TBC1D32: variants seen among roughly 807,000 people sequenced by gnomAD.
TBC1D32 encodes the protein TBC1 domain family member 32.
Under a neutral mutation model 170.3 loss-of-function variants are expected in TBC1D32, and 151 were observed. The observed-to-expected ratio is 0.89, with a 90% CI of 0.78 to 1.01. The LOEUF is 1.01. Ranked by LOEUF, TBC1D32 falls within the 50% of genes least tolerant of loss-of-function variation. TBC1D32 has a pLI of 0.00. For synonymous variants in TBC1D32, 498 were observed against 488.0 expected, an observed-to-expected ratio of 1.02 and a Z score of -0.27; for missense variants, 1,464 against 1,457.1, an observed-to-expected ratio of 1.00 and a Z score of -0.08.
chr6:121,245,404 G>C (rs1180263387), intron 17 of TBC1D32, among the ~76,000 whole-genome samples: 2 of 152,122 alleles, frequency 1.3e-5, no homozygotes, highest in Admixed American at 6.5e-5. Flanking sequence ...TTAGAGTAAG[G>C]AGGAGAGCAC....
intron 30 of TBC1D32, among the ~76,000 whole-genome samples, chr6:121,096,897 T>C (rs956567341): frequency 6.6e-6 from 1 of 151,976 alleles, no homozygotes; most frequent in Non-Finnish European, 1.5e-5. Context: ...ACACCACACA[T>C]CTACAACCAT....
At chr6:121,192,081 T>TCC (rs1554263767) in intron 22 of TBC1D32, among the ~76,000 whole-genome samples, 1 of 132,500 alleles carries the variant, frequency 7.5e-6, no homozygotes, top group South Asian at 2.3e-4. Flanking sequence ...TATATATATA[T>TCC]ATCCTATTAG....
chr6:121,236,738 A>G (rs1403463424), intron 20 of TBC1D32, among the ~76,000 whole-genome samples: 2 of 152,080 alleles, frequency 1.3e-5, no homozygotes, highest in African/African-American at 4.8e-5. Flanking sequence ...AATATTTCCA[A>G]GGGATTAGGA....
Position 121,304,584 on chromosome 6 carries a change from T to G in TBC1D32, c.811A>C (p.Ile271Leu), listed in dbSNP as rs759075480. The G allele has an allele frequency of 1.9e-5, 31 of 1,611,872 alleles. No individual in the cohort carries two copies. Among genetic ancestry groups the G allele is most frequent in the Non-Finnish European group, 2.6e-5 (31 of 1,178,868 alleles). The change falls in exon 7 of 32, where the codon ATT becomes CTT. Residue 271 changes from isoleucine (I) to leucine (L), a missense_variant. Ile to Leu is a conservative substitution (Grantham distance 5). This residue lies in a region of TBC1D32 where 1,363 missense variants were observed against 1,338.1 expected (regional missense o/e 1.02). Transcript: ENST00000398212. ...ESYFLSRENH[I>L]PTLSAGVDIT... ...TCTACACCAGCTGAAAGAGTAGGAA[T>G]ATGATTTTCCCTAGAAAGAAAGTAT...
intron 8 of TBC1D32, 99 bp from the exon 9 acceptor site, chr6:121,303,860 A>G (rs749006967): frequency 2.5e-6 from 2 of 813,642 alleles, no homozygotes; most frequent in South Asian, 4.7e-5. Flanking sequence ...CTTCAGAAAC[A>G]TTTTTTCTAT....
chr6:121,096,211 T>C (rs1777388564), intron 30 of TBC1D32: 1 of 152,162 alleles, frequency 6.6e-6, no homozygotes, highest in Non-Finnish European at 1.5e-5. Context: ...TTTTCTAGTT[T>C]ATTTGTGTAG....
chr6:121,234,351 A>T (rs928974175), intron 20 of TBC1D32, among the ~76,000 whole-genome samples: 1 of 152,102 alleles, frequency 6.6e-6, no homozygotes, highest in African/African-American at 2.4e-5. Context: ...AACACCAATT[A>T]TTCTTAGGCT....
intron 17 of TBC1D32, among the ~76,000 whole-genome samples, chr6:121,245,804 CA>C (rs1369064690): frequency 1.3e-5 from 2 of 151,970 alleles, no homozygotes; most frequent in Non-Finnish European, 2.9e-5. Flanking sequence ...GAAACATCAA[CA>C]TTCCCACAGA....
At chr6:121,281,801 G>C (rs1053829495) in intron 13 of TBC1D32, 115 bp from the exon 14 acceptor site, 1 of 691,464 alleles carries the variant, frequency 1.4e-6, no homozygotes, top group Non-Finnish European at 2.2e-6. Context: ...TACTTCAAAA[G>C]TCATACAACT....
At chr6:121,256,017 C>G in intron 16 of TBC1D32, 67 bp downstream of exon 16, 1 of 1,368,256 alleles carries the variant, frequency 7.3e-7, no homozygotes, top group Non-Finnish European at 1.0e-6. Context: ...AAGTACAACA[C>G]TATAATGGTG....
intron 22 of TBC1D32, among the ~76,000 whole-genome samples, chr6:121,178,882 C>G (rs1019643319): frequency 9.9e-5 from 15 of 152,124 alleles, no homozygotes; most frequent in Non-Finnish European, 1.2e-4. Flanking sequence ...AGCCAACAAC[C>G]TGTGTGAGTT....
At chr6:121,324,145 G>A (rs1810138931) in intron 1 of TBC1D32, among the ~76,000 whole-genome samples, 1 of 152,020 alleles carries the variant, frequency 6.6e-6, no homozygotes, top group African/African-American at 2.4e-5. Flanking sequence ...TAATCCCAGA[G>A]TCCCAAAGAT....
At chr6:121,150,784 T>C (rs138562097) in intron 24 of TBC1D32, among the ~76,000 whole-genome samples, 40 of 152,374 alleles carry the variant, frequency 2.6e-4, no homozygotes, top group African/African-American at 9.4e-4. Context: ...TTCTAGTTTA[T>C]TTGCATATAA....
At chr6:121,157,368 T>TC (rs1050787092) in intron 24 of TBC1D32, among the ~76,000 whole-genome samples, 22 of 152,208 alleles carry the variant, frequency 1.4e-4, no homozygotes, top group African/African-American at 5.1e-4. Flanking sequence ...TGGTTGTTTT[T>TC]CTGCATCCCT....
rs940952544 is a variant in TBC1D32 at position 121,223,364 on chromosome 6, G to A, written c.2365-12C>T. ...AGTGCTAAAAAAGACTAGAGGGAAA[G>A]AAAACAGTCATTTAAATGATTCACT... is the stretch of plus-strand genomic sequence containing the variant. On this transcript the variant is annotated splice_polypyrimidine_tract_variant and intron_variant, in intron 20 of 31. Coordinates refer to ENST00000398212, the MANE Select transcript of TBC1D32 (RefSeq NM_152730.6). 2.6e-6 allele frequency: 4 copies of A among 1,516,050 alleles called. No individual in the cohort carries two copies. Among genetic ancestry groups the A allele is most frequent in the East Asian group, 2.3e-5 (1 of 43,406 alleles). 93.9% of individuals were successfully genotyped at this position (1,516,050 alleles called of 1,614,324 possible).
chr6:121,115,143 C>T (rs776865921), intron 27 of TBC1D32, 29 bp downstream of exon 27: 1 of 1,547,724 alleles, frequency 6.5e-7, no homozygotes, highest in East Asian at 2.3e-5. Context: ...TCTAGAAATG[C>T]ACAAGGGAGC....
intron 31 of TBC1D32, among the ~76,000 whole-genome samples, chr6:121,089,651 C>G (rs1425284421): frequency 6.6e-6 from 1 of 151,626 alleles, no homozygotes; most frequent in African/African-American, 2.4e-5. Flanking sequence ...TGATATATAT[C>G]GAAAGTTTAA....
chr6:121,226,881 A>C (rs1285425781), intron 20 of TBC1D32, among the ~76,000 whole-genome samples: 1 of 151,098 alleles, frequency 6.6e-6, no homozygotes, highest in African/African-American at 2.5e-5. Context: ...TTTAATCCTT[A>C]ATATGTACAA....
chr6:121,268,726 G>T (rs958502161), intron 15 of TBC1D32, among the ~76,000 whole-genome samples: 1 of 152,056 alleles, frequency 6.6e-6, no homozygotes, highest in African/African-American at 2.4e-5. Flanking sequence ...ACCTAGCAAG[G>T]CAGGCCAACA....
Sources: gnomAD v4.1 joint callset for allele counts (sites outside exome capture counted in the v4.1 genomes callset) on GRCh38, gnomAD v4.1.1 for gene constraint, gnomAD v4.1.1 regional missense constraint, MANE v1.5 for transcripts, NCBI Gene and HGNC (gene_info 2026-07-23, HGNC 2026-07-21) for gene names.